SLC38A8: variants seen among roughly 807,000 people sequenced by gnomAD.
SLC38A8 encodes solute carrier family 38 member 8.
SLC38A8 carries 65 observed loss-of-function variants against 46.0 expected under a neutral mutation model. The ratio of observed to expected loss-of-function variants is 1.41; its 90% CI spans 1.16 to 1.74. The LOEUF (loss-of-function observed/expected upper bound fraction) is 1.74, where lower values mean the gene tolerates loss of function less well. Ranked by LOEUF, SLC38A8 falls within the 40% of genes most tolerant of loss-of-function variation. The pLI is 0.00. For missense variants in SLC38A8, 998 were observed against 567.9 expected, an observed-to-expected ratio of 1.76 and a Z score of -7.70; for synonymous variants, 447 against 243.7, an observed-to-expected ratio of 1.83 and a Z score of -7.77.
chr16:84,015,600 C>T (rs939464896), intron 9 of SLC38A8, among the ~76,000 whole-genome samples: 9 of 151,862 alleles, frequency 5.9e-5, no homozygotes, highest in African/African-American at 1.2e-4. Flanking sequence ...CCTCGGTCTT[C>T]GCATCTATGG....
intron 7 of SLC38A8, among the ~76,000 whole-genome samples, chr16:84,021,728 T>A (rs1275048335): frequency 6.6e-6 from 1 of 152,248 alleles, no homozygotes; most frequent in African/African-American, 2.4e-5. Context: ...ATTTTCTGTC[T>A]TAGTCCATTT....
Position 84,013,068 on chromosome 16 carries a change from G to A in SLC38A8, c.1163-16C>T, listed in dbSNP as rs372130068. On this transcript the variant is annotated splice_polypyrimidine_tract_variant and intron_variant, in intron 9 of 10. Transcript: ENST00000299709. The stretch of plus-strand genomic sequence containing the variant: ...AGGCACAAACCTGCAAAAAAGACAG[G>A]GTCACCCACAGTTCTTCGTTATCAA... 30 of 1,613,850 alleles carry A rather than the reference G, an allele frequency of 1.9e-5. No individual in the cohort carries two copies. The African/African-American group carries it at 2.8e-4, about 15-fold the overall frequency.
Position 84,017,280 on chromosome 16 carries a change from A to G in SLC38A8, c.813T>C (p.Tyr271=), listed in dbSNP as rs2085041913. ...CTTCTGTCCCAAAAGTCAGGAAGCCATAAACCCCTGAAGGTGGGAAAGGAT... is the reference window on the plus strand; with the variant it reads ...CTTCTGTCCCAAAAGTCAGGAAGCCGTAAACCCCTGAAGGTGGGAAAGGAT... The part of the protein sequence containing the change: ...CCLIYSLTGV[Y]GFLTFGTEVS... The change falls in exon 8 of 11, where the codon TAT becomes TAC. Residue 271 remains tyrosine, a synonymous_variant. Transcript: ENST00000299709. 2 of 1,614,112 alleles carry G rather than the reference A, an allele frequency of 1.2e-6. No individual in the cohort carries two copies. Among genetic ancestry groups the G allele is most frequent in the Non-Finnish European group, 1.7e-6 (2 of 1,180,032 alleles).
In SLC38A8 at chr16:84,033,485, G is replaced by C. The variant is rs756044270; in HGVS notation, c.389-16C>G. 1.3e-6 allele frequency: 2 copies of C among 1,583,158 alleles called. No homozygotes were observed. The highest frequency in any genetic ancestry group is 2.3e-5 in the South Asian group (2 of 85,826). On this transcript the variant is annotated splice_polypyrimidine_tract_variant and intron_variant, in intron 3 of 10. Transcript: ENST00000299709. ...GAGTCACACACTGCCAGAGACACGG[G>C]GAGAGCTGAGCCACAGAGTACAAAT...
rs754959301 is a variant in SLC38A8, at chr16:84,036,663, G to A, written c.388+39C>T. ...AACTCCAAGAGGTCATTAGAGGTCC[G>A]GCACCCTGGGCCACCCCGAGTCCCA... On this transcript the variant is annotated intron_variant, in intron 3 of 10. Coordinates refer to ENST00000299709, the MANE Select transcript of SLC38A8 (RefSeq NM_001080442.3). 4.8e-5 allele frequency: 78 copies of A among 1,610,386 alleles called. 1 individual carries two copies. Among genetic ancestry groups the A allele is most frequent in the Middle Eastern group, 3.6e-4 (2 of 5,552 alleles).
chr16:84,036,272 T>G (rs143835871), intron 3 of SLC38A8, among the ~76,000 whole-genome samples: 2 of 152,188 alleles, frequency 1.3e-5, no homozygotes, highest in African/African-American at 2.4e-5. Flanking sequence ...ATAGGACATA[T>G]GAAAATTGGC....
rs397855804 is a variant in SLC38A8, at chr16:84,010,067, A to ATTTTTTTTT, written c.1215-199_1215-191dup. Reference sequence around the variant, plus strand: ...CAATGGGAAGCAAAGTACCCAGGCAATTTTTTTTTTTTTTTTTTTTTGAGG... The same window carrying ATTTTTTTTT: ...CAATGGGAAGCAAAGTACCCAGGCAATTTTTTTTTTTTTTTTTTTTTTTTTTTTTTGAGG... On this transcript the variant is annotated intron_variant, in intron 10 of 10. Transcript: ENST00000299709. Among the ~76,000 whole-genome samples the ATTTTTTTTT allele has an allele frequency of 1.2e-4, 13 of 111,942 alleles. 1 individual carries two copies. Among genetic ancestry groups the ATTTTTTTTT allele is most frequent in the African/African-American group, 4.2e-4 (11 of 26,190 alleles). 73.4% of individuals were successfully genotyped at this position (111,942 alleles called of 152,430 possible).
Position 84,033,401 on chromosome 16 carries a change from G to A in SLC38A8, c.457C>T (p.Leu153=), listed in dbSNP as rs745400941. Residue 153 remains leucine (L), a synonymous_variant, in exon 4 of 11, where the codon CTG becomes TTG. Coordinates refer to ENST00000299709, the MANE Select transcript of SLC38A8 (RefSeq NM_001080442.3). ...QPWYADQRFT[L]PLLSVLVILP... ...ATGACCAGCACGGAGAGCAGGGGCA[G>A]GGTGAAGCGCTGGTCTGCGTACCAC... 11 of 1,613,964 alleles carry A rather than the reference G, an allele frequency of 6.8e-6. No homozygotes were observed. The highest frequency in any genetic ancestry group is 8.5e-6 in the Non-Finnish European group (10 of 1,179,942).
chr16:84,011,656 G>A (rs74925915), intron 10 of SLC38A8, among the ~76,000 whole-genome samples: 5,265 of 152,236 alleles, frequency 0.035, 310 homozygotes, highest in African/African-American at 0.12. Context: ...ATGTAATTAA[G>A]GAAAAGATCT....
At chr16:84,015,576 G>GT (rs2085015395) in intron 9 of SLC38A8, among the ~76,000 whole-genome samples, 4 of 2,632 alleles carry the variant, frequency 1.5e-3, no homozygotes, top group Non-Finnish European at 2.0e-3. Flanking sequence ...TGTGCCCCCG[G>GT]CGGGGGTTCA....
intron 1 of SLC38A8, 41 bp from the exon 2 acceptor site, chr16:84,042,200 C>G (rs374200942): frequency 6.4e-7 from 1 of 1,554,616 alleles, no homozygotes; most frequent in South Asian, 1.2e-5. Context: ...ACAGTCTTCA[C>G]GCTTTCCTCC....
At chr16:84,025,074 G>A (rs542101077) in intron 6 of SLC38A8, among the ~76,000 whole-genome samples, 149 of 152,314 alleles carry the variant, frequency 9.8e-4, no homozygotes, top group African/African-American at 3.3e-3. Context: ...GGACATTGGT[G>A]ATTCACGAAC....
In SLC38A8 at chr16:84,016,614, G is replaced by A. The variant is rs775786911; in HGVS notation, c.1067C>T (p.Thr356Ile). The change falls in exon 9 of 11, where the codon ACC (threonine) becomes ATC (isoleucine). Residue 356 changes from threonine (T) to isoleucine (I), a missense_variant. Thr to Ile is a moderately conservative substitution (Grantham distance 89, BLOSUM62 -1). Transcript: ENST00000299709. ...AAACAGCGCCATGGCGAGCGTCACG[G>A]TGACCCACAGGATGGTCAGCGGCAT... is the stretch of plus-strand genomic sequence containing the variant. The part of the protein sequence containing the change: ...VRMPLTILWV[T>I]VTLAMALFMP... 1.2e-6 allele frequency: 2 copies of A among 1,613,836 alleles called. No individual in the cohort carries two copies. Among genetic ancestry groups the A allele is most frequent in the Non-Finnish European group, 1.7e-6 (2 of 1,180,042 alleles).
chr16:84,034,093 C>T (rs542399617), intron 3 of SLC38A8, among the ~76,000 whole-genome samples: 123 of 152,340 alleles, frequency 8.1e-4, no homozygotes, highest in African/African-American at 2.8e-3. Flanking sequence ...CTCCCCACAA[C>T]ACCTACTGCC....
chr16:84,024,585 A>G (rs561176773), intron 6 of SLC38A8, among the ~76,000 whole-genome samples: 3 of 151,872 alleles, frequency 2.0e-5, no homozygotes, highest in Non-Finnish European at 4.4e-5. Flanking sequence ...GTTCGAGACC[A>G]GCCTGGCCAA....
At position 84,017,219 on chromosome 16, in the gene SLC38A8, C is replaced by T. The variant is rs766562539; in HGVS notation, c.874G>A (p.Asp292Asn). 6.2e-7 allele frequency: 1 copy of T among 1,614,136 alleles called. No individual in the cohort carries two copies. Among genetic ancestry groups the T allele is most frequent in the Non-Finnish European group, 8.5e-7 (1 of 1,180,034 alleles). Residue 292 changes from aspartate (D) to asparagine (N), a missense_variant, in exon 8 of 11, where the codon GAT (aspartate) becomes AAT (asparagine). Transcript: ENST00000299709. Reference sequence around the variant, plus strand: ...ACCCGGGCCACAATGATGACCATATCATTGCCTGGGTAGGACATCAAGACG... The same window carrying T: ...ACCCGGGCCACAATGATGACCATATTATTGCCTGGGTAGGACATCAAGACG... ...ADVLMSYPGN[D>N]MVIIVARVLF...
intron 3 of SLC38A8, among the ~76,000 whole-genome samples, chr16:84,036,079 T>C (rs1466427197): frequency 3.3e-5 from 5 of 152,200 alleles, no homozygotes; most frequent in African/African-American, 9.6e-5. Flanking sequence ...ACAGCAATGA[T>C]ACAGACTCCC....
chr16:84,029,254 G>T (rs930150465), intron 6 of SLC38A8, among the ~76,000 whole-genome samples: 2 of 152,180 alleles, frequency 1.3e-5, no homozygotes, highest in Admixed American at 1.3e-4. Context: ...TTGGCCATCA[G>T]TGGGGGCTGG....
At chr16:84,013,648 C>G (rs935508106) in intron 9 of SLC38A8, among the ~76,000 whole-genome samples, 4 of 151,582 alleles carry the variant, frequency 2.6e-5, no homozygotes, top group Admixed American at 2.6e-4. Flanking sequence ...TCAGGATGGT[C>G]TGGACCTCTT....
Sources: gnomAD v4.1 joint callset for allele counts (sites outside exome capture counted in the v4.1 genomes callset) on GRCh38, gnomAD v4.1.1 for gene constraint, MANE v1.5 for transcripts, NCBI Gene and HGNC (gene_info 2026-07-23, HGNC 2026-07-21) for gene names.